The following DCDC1 variants were observed in gnomAD, a reference collection of about 807,000 sequenced individuals.
DCDC1 encodes doublecortin domain containing 1, also known as doublecortin domain-containing protein 1.
A neutral mutation model predicts 178.3 loss-of-function variants in DCDC1; 200 were observed. That is an observed-to-expected ratio of 1.12 (90% CI 1.00 to 1.26). The LOEUF is 1.26. Among genes scored for constraint, DCDC1 ranks in the 50% most tolerant of loss-of-function variants. DCDC1 has a pLI of 0.00. For synonymous variants in DCDC1, 690 were observed against 604.8 expected, an observed-to-expected ratio of 1.14 and a Z score of -2.07; for missense variants, 1,983 against 1,749.2, an observed-to-expected ratio of 1.13 and a Z score of -2.38.
At chr11:30,885,212 A>G (rs1238430604) in intron 36 of DCDC1, among the ~76,000 whole-genome samples, 1 of 151,734 alleles carries the variant, frequency 6.6e-6, no homozygotes, top group African/African-American at 2.4e-5. Context: ...CAGAGAAAAT[A>G]GCTTCACTCA....
At chr11:31,273,205 T>C (rs1201203464) in intron 7 of DCDC1, among the ~76,000 whole-genome samples, 1 of 152,240 alleles carries the variant, frequency 6.6e-6, no homozygotes, top group African/African-American at 2.4e-5. Flanking sequence ...TTTATACAAA[T>C]TTCTGCAGCC....
At chr11:31,016,996 G>A (rs1952519333) in intron 20 of DCDC1, among the ~76,000 whole-genome samples, 1 of 152,146 alleles carries the variant, frequency 6.6e-6, no homozygotes, top group Non-Finnish European at 1.5e-5. Flanking sequence ...GAAATTGTTT[G>A]ATTGTCCAGT....
At chr11:30,981,288 C>T (rs1590648138) in intron 20 of DCDC1, among the ~76,000 whole-genome samples, 2 of 152,046 alleles carry the variant, frequency 1.3e-5, no homozygotes, top group East Asian at 3.9e-4. Context: ...AATCTCACCA[C>T]TATGCAATAT....
rs1030627054 is a variant in DCDC1, at chr11:30,865,051, C to T, written c.*322G>A. ...GTGCAAATGGAGTCACACGCTCACT[C>T]AATTCTGAGAGGCCTGGCCAAGGCA... is the stretch of plus-strand genomic sequence containing the variant. On this transcript the variant is annotated 3_prime_UTR_variant, in exon 39 of 39. Coordinates refer to ENST00000684477, the MANE Select transcript of DCDC1 (RefSeq NM_001387274.1). 1.3e-5 allele frequency: 2 copies of T among 152,126 alleles called. No individual in the cohort carries two copies. Among genetic ancestry groups the T allele is most frequent in the African/African-American group, 4.8e-5 (2 of 41,422 alleles). The allele number at this position is 152,126 out of a possible 1,614,324, so 9.4% of individuals were successfully genotyped here. A position where few individuals can be genotyped will look rare whatever the true frequency, so the allele number is the denominator to read the frequency against.
chr11:30,906,849 T>A, intron 29 of DCDC1, 124 bp from the exon 30 acceptor site: 1 of 909,892 alleles, frequency 1.1e-6, no homozygotes, highest in Non-Finnish European at 1.5e-6. Context: ...TTAAATTTTA[T>A]GCTAAATTTA....
chr11:31,058,574 AAGGG>A (rs1267293907), intron 20 of DCDC1, among the ~76,000 whole-genome samples: 1 of 152,076 alleles, frequency 6.6e-6, no homozygotes, highest in Non-Finnish European at 1.5e-5. Context: ...AGAGCAGAGG[AAGGG>A]AGGGAAATGG....
rs1956172611 is a variant in DCDC1, at chr11:31,065,094, G to C, written c.2358C>G (p.Thr786=). The change falls in exon 19 of 39, where the codon ACC becomes ACG. Residue 786 remains threonine, a synonymous_variant. Transcript: ENST00000684477. ...LEELNAQVDV[T]QTEYHIHHGA... is the part of the protein sequence containing the mutation. ...CATGGTGAATGTGATACTCTGTCTG[G>C]GTCACATCTACTTGTGCATTTAGCT... is the stretch of plus-strand genomic sequence containing the variant. 1 of 765,286 alleles carries C rather than the reference G, an allele frequency of 1.3e-6. No homozygotes were observed. Among genetic ancestry groups the C allele is most frequent in the Non-Finnish European group, 2.4e-6 (1 of 417,460 alleles). The allele number at this position is 765,286 out of a possible 1,614,324, so 47.4% of individuals were successfully genotyped here. A position where few individuals can be genotyped will look rare whatever the true frequency, so the allele number is the denominator to read the frequency against.
At chr11:31,123,146 C>T (rs1961056913) in intron 11 of DCDC1, among the ~76,000 whole-genome samples, 1 of 151,982 alleles carries the variant, frequency 6.6e-6, no homozygotes, top group Admixed American at 6.6e-5. Flanking sequence ...ATCAATAAAA[C>T]ATGAAATCAA....
intron 9 of DCDC1, among the ~76,000 whole-genome samples, chr11:31,174,780 C>A (rs1451150310): frequency 6.6e-6 from 1 of 152,170 alleles, no homozygotes; most frequent in Admixed American, 6.5e-5. Flanking sequence ...ACTCCAGGGT[C>A]TCCTCTCTGC....
intron 20 of DCDC1, among the ~76,000 whole-genome samples, chr11:31,044,433 G>C (rs1420412826): frequency 6.8e-6 from 1 of 147,168 alleles, no homozygotes. Flanking sequence ...AGCCGAGATC[G>C]CGCCACTGTA....
chr11:31,198,065 C>T (rs1970888011), intron 9 of DCDC1, among the ~76,000 whole-genome samples: 1 of 151,902 alleles, frequency 6.6e-6, no homozygotes, highest in Non-Finnish European at 1.5e-5. Context: ...TCCTTTTTGT[C>T]ATCATCATCA....
At chr11:31,084,397 T>C (rs537590299) in intron 17 of DCDC1, among the ~76,000 whole-genome samples, 81 of 152,196 alleles carry the variant, frequency 5.3e-4, no homozygotes, top group African/African-American at 1.9e-3. Context: ...AAAAAACAAG[T>C]CACACAGTCA....
chr11:30,975,546 A>T (rs1012757516), intron 20 of DCDC1, among the ~76,000 whole-genome samples: 2 of 152,214 alleles, frequency 1.3e-5, no homozygotes, highest in East Asian at 3.9e-4. Flanking sequence ...AACATACAAT[A>T]ATTGGTAGTA....
intron 20 of DCDC1, among the ~76,000 whole-genome samples, chr11:31,009,368 T>C (rs1952033677): frequency 6.6e-6 from 1 of 152,140 alleles, no homozygotes; most frequent in Admixed American, 6.6e-5. Flanking sequence ...AGTTTTCTAT[T>C]GCTACATAAC....
At chr11:30,866,381 A>G (rs273584) in intron 38 of DCDC1, among the ~76,000 whole-genome samples, 18,255 of 152,132 alleles carry the variant, frequency 0.12, 1,207 homozygotes, top group Admixed American at 0.2. Context: ...CCTGGTTCCA[A>G]TGGTGCCTTC....
intron 9 of DCDC1, among the ~76,000 whole-genome samples, chr11:31,171,279 T>C (rs1469090846): frequency 1.3e-5 from 2 of 152,212 alleles, no homozygotes; most frequent in East Asian, 3.9e-4. Flanking sequence ...TTTCTGGCCA[T>C]ACAATTTCTG....
In DCDC1 at chr11:31,009,895, C is replaced by T. The variant is rs145332466; in HGVS notation, c.2591+54574G>A. On this transcript the variant is annotated intron_variant, in intron 20 of 38. Transcript: ENST00000684477. ...AGAAGCAGGCACCTTCTTCACAAGGCGGCAGGACTGAGTGACTGACAAGCA... is the reference window on the plus strand; with the variant it reads ...AGAAGCAGGCACCTTCTTCACAAGGTGGCAGGACTGAGTGACTGACAAGCA... Among the ~76,000 whole-genome samples, 664 of 152,210 alleles carry T rather than the reference C, an allele frequency of 4.4e-3. 10 individuals carry two copies. Among genetic ancestry groups the T allele is most frequent in the African/African-American group, 0.015 (604 of 41,532 alleles).
At chr11:30,935,565 G>A (rs1432315323) in intron 21 of DCDC1, among the ~76,000 whole-genome samples, 1 of 150,512 alleles carries the variant, frequency 6.6e-6, no homozygotes, top group Non-Finnish European at 1.5e-5. Context: ...GTTTGTTTGG[G>A]TTTTTTTGAG....
intron 20 of DCDC1, among the ~76,000 whole-genome samples, chr11:30,953,630 T>C (rs1364885837): frequency 6.6e-6 from 1 of 152,148 alleles, no homozygotes; most frequent in Non-Finnish European, 1.5e-5. Context: ...ACTTGGAAAG[T>C]AGACCCTCAG....
Sources: gnomAD v4.1 joint callset for allele counts (sites outside exome capture counted in the v4.1 genomes callset) on GRCh38, gnomAD v4.1.1 for gene constraint, MANE v1.5 for transcripts, NCBI Gene and HGNC (gene_info 2026-07-23, HGNC 2026-07-21) for gene names.